The following ME1 variants were observed in gnomAD, a reference collection of about 807,000 sequenced individuals.
The protein encoded by ME1 is NADP-dependent malic enzyme.
In ME1, 74 loss-of-function variants were observed where a neutral mutation model predicts 66.4. That is an observed-to-expected ratio of 1.11 (90% confidence interval 0.92 to 1.35). The LOEUF (loss-of-function observed/expected upper bound fraction) is 1.35, where lower values mean the gene tolerates loss of function less well. Ranked by LOEUF, ME1 falls within the 40% of genes most tolerant of loss-of-function variation. The pLI, the probability that ME1 is intolerant of heterozygous loss-of-function variation, is 0.00. For missense variants in ME1, 750 were observed against 694.1 expected (o/e 1.08, Z -0.90); for synonymous variants, 251 against 235.6 (o/e 1.07, Z -0.60).
chr6:83,316,055 G>A (rs1768024520), intron 5 of ME1, among the ~76,000 whole-genome samples: 1 of 152,016 alleles, frequency 6.6e-6, no homozygotes, highest in South Asian at 2.1e-4. Flanking sequence ...ATCACACAGA[G>A]AAATAACATT....
intron 2 of ME1, among the ~76,000 whole-genome samples, chr6:83,404,463 C>T (rs1442194887): frequency 3.9e-5 from 6 of 152,034 alleles, no homozygotes; most frequent in South Asian, 2.1e-4. Context: ...CTGTTCACTC[C>T]GATGATAGTT....
intron 6 of ME1, among the ~76,000 whole-genome samples, chr6:83,311,687 C>T (rs1041468359): frequency 1.9e-4 from 29 of 152,150 alleles, no homozygotes; most frequent in African/African-American, 6.5e-4. Flanking sequence ...TGGTTCTCCC[C>T]TGAAGGTCAG....
At chr6:83,389,950 T>C (rs1769587683) in intron 3 of ME1, among the ~76,000 whole-genome samples, 1 of 151,936 alleles carries the variant, frequency 6.6e-6, no homozygotes. Context: ...AGCCCAAAAA[T>C]ATTCTTAAAA....
rs59788379 is a variant in ME1 at position 83,406,971 on chromosome 6, T to TACACACACACACACACACACAC, written c.212+775_212+796dup. On this transcript the variant is annotated intron_variant, in intron 2 of 13. Coordinates refer to ENST00000369705, the MANE Select transcript of ME1 (RefSeq NM_002395.6). The stretch of plus-strand genomic sequence containing the variant: ...CCATTTATATTTATATTTTCATTCA[T>TACACACACACACACACACACAC]ACACACACACACACACACACACACA... Among the ~76,000 whole-genome samples the TACACACACACACACACACACAC allele has an allele frequency of 3.8e-3, 547 of 143,930 alleles. 6 individuals carry two copies. The highest frequency in any genetic ancestry group is 0.013 in the African/African-American group (517 of 38,508). The allele number at this position is 143,930 out of a possible 152,430, so 94.4% of individuals were successfully genotyped here.
chr6:83,429,608 T>G (rs916194386), intron 1 of ME1, among the ~76,000 whole-genome samples: 14 of 152,058 alleles, frequency 9.2e-5, no homozygotes, highest in Non-Finnish European at 1.8e-4. Context: ...AAGAAAGAAA[T>G]AAGTTGGAAT....
At chr6:83,268,045 CT>C (rs1186164183) in intron 6 of ME1, among the ~76,000 whole-genome samples, 2 of 152,074 alleles carry the variant, frequency 1.3e-5, no homozygotes, top group Non-Finnish European at 2.9e-5. Context: ...GAAAATACAT[CT>C]GCTTTTACAT....
At chr6:83,410,201 AT>A (rs1407640459) in intron 1 of ME1, among the ~76,000 whole-genome samples, 8 of 152,236 alleles carry the variant, frequency 5.3e-5, no homozygotes, top group Admixed American at 5.2e-4. Flanking sequence ...GAACTCAGAA[AT>A]TTGTTGCAAT....
intron 7 of ME1, among the ~76,000 whole-genome samples, chr6:83,244,546 G>A (rs989698474): frequency 6.6e-6 from 1 of 152,142 alleles, no homozygotes; most frequent in Admixed American, 6.6e-5. Context: ...AGAGAATAGT[G>A]GTGGGTGATG....
At chr6:83,256,331 A>C (rs1766767155) in intron 6 of ME1, among the ~76,000 whole-genome samples, 1 of 152,212 alleles carries the variant, frequency 6.6e-6, no homozygotes, top group Non-Finnish European at 1.5e-5. Flanking sequence ...AATAGAAGCC[A>C]TAGGCAGGTA....
At position 83,227,417 on chromosome 6, in the gene ME1, T is replaced by C. The variant is rs1301759651; in HGVS notation, c.1193A>G (p.Asn398Ser). 8.7e-6 allele frequency: 14 copies of C among 1,605,598 alleles called. No homozygotes were observed. Among genetic ancestry groups the C allele is most frequent in the South Asian group, 1.1e-5 (1 of 89,776 alleles). ...CAAAGCAAAAATAATAGGCCGTTCATTGAAGGCAGCCATATCTTTGAGAAT... is the reference window on the plus strand; with the variant it reads ...CAAAGCAAAAATAATAGGCCGTTCACTGAAGGCAGCCATATCTTTGAGAAT... ...EQILKDMAAF[N>S]ERPIIFALSN... Residue 398 changes from asparagine (N) to serine (S), a missense_variant, in exon 11 of 14, where the codon AAT (asparagine) becomes AGT (serine). Transcript: ENST00000369705.
intron 1 of ME1, among the ~76,000 whole-genome samples, chr6:83,415,988 A>C (rs370881596): frequency 6.6e-6 from 1 of 152,322 alleles, no homozygotes; most frequent in East Asian, 1.9e-4. Context: ...TTAGATGCAC[A>C]CTTCACCAAC....
chr6:83,376,608 C>G (rs972806851), intron 3 of ME1, among the ~76,000 whole-genome samples: 5 of 150,530 alleles, frequency 3.3e-5, no homozygotes, highest in Non-Finnish European at 1.5e-5. Context: ...CGAGACCAAC[C>G]TGGCCAACGT....
At chr6:83,282,735 T>G (rs999838154) in intron 6 of ME1, among the ~76,000 whole-genome samples, 5 of 152,138 alleles carry the variant, frequency 3.3e-5, no homozygotes, top group African/African-American at 1.2e-4. Context: ...GAAATACCAT[T>G]TGACCCAGCA....
At chr6:83,218,345 T>C (rs963125007) in intron 12 of ME1, among the ~76,000 whole-genome samples, 1 of 152,166 alleles carries the variant, frequency 6.6e-6, no homozygotes, top group Non-Finnish European at 1.5e-5. Context: ...CCCCTCTTCT[T>C]GGTGCATGCT....
intron 7 of ME1, among the ~76,000 whole-genome samples, chr6:83,240,557 T>C (rs73485240): frequency 1.2e-4 from 19 of 152,252 alleles, no homozygotes; most frequent in Admixed American, 3.9e-4. Context: ...TTATGGCTAA[T>C]AAAGCAGCAG....
At chr6:83,215,098 A>G (rs1789965326) in intron 13 of ME1, among the ~76,000 whole-genome samples, 1 of 152,246 alleles carries the variant, frequency 6.6e-6, no homozygotes, top group Admixed American at 6.5e-5. Flanking sequence ...ACTTTTTCAT[A>G]GATAACCAAG....
chr6:83,224,213 C>G (rs1187575304), intron 11 of ME1, among the ~76,000 whole-genome samples: 2 of 152,150 alleles, frequency 1.3e-5, no homozygotes, highest in African/African-American at 4.8e-5. Context: ...TGCAGTGGTT[C>G]AACCGATAGG....
In ME1 at chr6:83,390,480, A is replaced by G. The variant is rs149851226; in HGVS notation, c.362+7887T>C. Among the ~76,000 whole-genome samples the G allele has an allele frequency of 6.6e-3, 999 of 152,240 alleles. 10 individuals are homozygous for G. Among genetic ancestry groups the G allele is most frequent in the African/African-American group, 0.023 (947 of 41,564 alleles). Reference sequence around the variant, plus strand: ...CATTCACATCATTCACGCATCCACAATTCCCTTTCTAATTAAATACAACAC... The same window carrying G: ...CATTCACATCATTCACGCATCCACAGTTCCCTTTCTAATTAAATACAACAC... On this transcript the variant is annotated intron_variant, in intron 3 of 13. Transcript: ENST00000369705.
intron 3 of ME1, among the ~76,000 whole-genome samples, chr6:83,372,739 C>T (rs1020276649): frequency 6.6e-6 from 1 of 152,076 alleles, no homozygotes; most frequent in East Asian, 1.9e-4. Flanking sequence ...ATTTTTAGTT[C>T]TGAATTCAGA....
Sources: gnomAD v4.1 joint callset for allele counts (sites outside exome capture counted in the v4.1 genomes callset) on GRCh38, gnomAD v4.1.1 for gene constraint, MANE v1.5 for transcripts, NCBI Gene and HGNC (gene_info 2026-07-23, HGNC 2026-07-21) for gene names.